The following CDK11A variants were observed in gnomAD, a reference collection of about 807,000 sequenced individuals.
CDK11A encodes cyclin-dependent kinase 11A.
CDK11A carries 55 observed loss-of-function variants against 83.6 expected under a neutral mutation model. The observed-to-expected ratio is 0.66, with a 90% CI of 0.53 to 0.82. The LOEUF is 0.82. CDK11A is among the 40% of genes least tolerant of loss of function. CDK11A has a pLI of 0.00. For synonymous variants in CDK11A, 247 were observed against 302.7 expected (o/e 0.82, Z 1.91); for missense variants, 564 against 810.1 (o/e 0.70, Z 3.69).
rs1644121073 is a variant in CDK11A at position 1,702,384 on chromosome 1, T to C, written c.*523A>G. 1.4e-5 allele frequency among the ~76,000 whole-genome samples: 1 copy of C among 70,078 alleles called. No homozygotes were observed. Among genetic ancestry groups the C allele is most frequent in the East Asian group, 3.4e-4 (1 of 2,928 alleles). The allele number at this position is 70,078 out of a possible 152,430, so 46.0% of individuals were successfully genotyped here. On this transcript the variant is annotated 3_prime_UTR_variant, in exon 20 of 20. Coordinates refer to ENST00000404249, the MANE Select transcript of CDK11A (RefSeq NM_024011.4). The stretch of plus-strand genomic sequence containing the variant: ...CACTCAAAGGACGACACGGGGAGCT[T>C]TCCTCGAAGAATATTTTAATACATT...
intron 3 of CDK11A, 36 bp downstream of exon 3, chr1:1,721,560 T>C (rs767669345): frequency 6.3e-7 from 1 of 1,593,772 alleles, no homozygotes; most frequent in Non-Finnish European, 8.6e-7. Context: ...CAGGGCTGTG[T>C]ACAGTTGGGT....
Position 1,719,450 on chromosome 1 carries a change from T to C in CDK11A, c.233A>G (p.Glu78Gly). 2 of 1,500,534 alleles carry C rather than the reference T, an allele frequency of 1.3e-6. No homozygotes were observed. The highest frequency in any genetic ancestry group is 1.8e-6 in the Non-Finnish European group (2 of 1,127,232). 93.0% of individuals were successfully genotyped at this position (1,500,534 alleles called of 1,614,324 possible). The change falls in exon 4 of 20, where the codon GAA becomes GGA. Residue 78 changes from glutamate to glycine, a missense_variant. Glu to Gly is a moderately conservative substitution (Grantham distance 98). This residue lies in a region of CDK11A where 151 missense variants were observed against 147.4 expected (regional missense o/e 1.02). Transcript: ENST00000404249. Reference sequence around the variant, plus strand: ...TTTGATGGCCAAAGAATCATCTTCTTCTCCTCTGAAATAAAACACAACAGC... The same window carrying C: ...TTTGATGGCCAAAGAATCATCTTCTCCTCCTCTGAAATAAAACACAACAGC... ...RREDSMEDRG[E>G]EDDSLAIKPP...
chr1:1,703,138 C>A lies in CDK11A; in HGVS notation c.2192G>T (p.Arg731Leu). Residue 731 changes from arginine (R) to leucine (L), a missense_variant, in exon 19 of 20, where the codon CGT (arginine) becomes CTT (leucine). By Grantham distance (102) the Arg-to-Leu change is moderately radical. Around this residue, in one of 5 missense-constraint regions of CDK11A, gnomAD observed 361 missense variants for 402.7 expected, o/e 0.90. Transcript: ENST00000404249. ...PTWPAKSEQQ[R>L]VKRGTSPRPP... The stretch of plus-strand genomic sequence containing the variant: ...CCTCGGGCTGGTGCCCCGCTTCACA[C>A]GCTGCTGCTCGCTCTTGGCGGGCCA... 1 of 406,494 alleles carries A rather than the reference C, an allele frequency of 2.5e-6. No homozygotes were observed. The highest frequency in any genetic ancestry group is 4.1e-6 in the Non-Finnish European group (1 of 241,996). The allele number at this position is 406,494 out of a possible 1,614,324, so 25.2% of individuals were successfully genotyped here. A position where few individuals can be genotyped will look rare whatever the true frequency, so the allele number is the denominator to read the frequency against.
intron 4 of CDK11A, among the ~76,000 whole-genome samples, chr1:1,718,068 GGTCT>G (rs1402701849): frequency 7.3e-6 from 1 of 136,470 alleles, no homozygotes; most frequent in African/African-American, 2.8e-5. Context: ...CCTTCTGAAT[GGTCT>G]GTGACACACG....
In CDK11A at chr1:1,704,533, C is replaced by T. The variant is rs1446807465; in HGVS notation, c.1564+17G>A. 5 of 1,602,970 alleles carry T rather than the reference C, an allele frequency of 3.1e-6. No individual in the cohort carries two copies. Among genetic ancestry groups the T allele is most frequent in the Non-Finnish European group, 4.3e-6 (5 of 1,174,018 alleles). ...CCCCCACTTGTACGCAGACAGGACCCCGGGGCGCGGCTGTACCTGGCAGGA... is the reference window on the plus strand; with the variant it reads ...CCCCCACTTGTACGCAGACAGGACCTCGGGGCGCGGCTGTACCTGGCAGGA... On this transcript the variant is annotated intron_variant, in intron 14 of 19. Coordinates refer to ENST00000404249, the MANE Select transcript of CDK11A (RefSeq NM_024011.4).
At chr1:1,704,473 G>A (rs764249577) in intron 14 of CDK11A, 77 bp downstream of exon 14, 47 of 1,552,034 alleles carry the variant, frequency 3.0e-5, no homozygotes, top group Non-Finnish European at 4.0e-5. Flanking sequence ...GGCCCTCCCT[G>A]CAGCACTGTC....
At chr1:1,704,790 T>C in intron 13 of CDK11A, 114 bp downstream of exon 13, 1 of 1,596,248 alleles carries the variant, frequency 6.3e-7, no homozygotes, top group East Asian at 2.2e-5. Flanking sequence ...GTGTGGTCTG[T>C]GAAGGGCTCC....
chr1:1,716,450 C>G lies in CDK11A; in HGVS notation c.384G>C (p.Glu128Asp), dbSNP rs752188532. Residue 128 changes from glutamate (E) to aspartate (D), a missense_variant, in exon 5 of 20, where the codon GAG (glutamate) becomes GAC (aspartate). By Grantham distance (45) the Glu-to-Asp change is conservative. Coordinates refer to ENST00000404249, the MANE Select transcript of CDK11A (RefSeq NM_024011.4). ...CTCGATGTCGTTTCCGACGTTCGTGCTCTCTTTCTTTCACTCTAGCATGCT... is the reference window on the plus strand; with the variant it reads ...CTCGATGTCGTTTCCGACGTTCGTGGTCTCTTTCTTTCACTCTAGCATGCT... Reference protein sequence around the residue: ...GGKHARVKEREHERRKRHREE... With the variant: ...GGKHARVKERDHERRKRHREE... The G allele has an allele frequency of 4.4e-6, 7 of 1,608,596 alleles. No homozygotes were observed. Among genetic ancestry groups the G allele is most frequent in the Non-Finnish European group, 6.0e-6 (7 of 1,176,306 alleles).
chr1:1,704,153 C>G lies in CDK11A; in HGVS notation c.1687-7G>C, dbSNP rs769955894. 7 of 1,606,668 alleles carry G rather than the reference C, an allele frequency of 4.4e-6. 1 individual carries two copies. The highest frequency in any genetic ancestry group is 1.9e-4 in the Middle Eastern group (1 of 5,368). On this transcript the variant is annotated splice_polypyrimidine_tract_variant and splice_region_variant and intron_variant, in intron 15 of 19. Coordinates refer to ENST00000404249, the MANE Select transcript of CDK11A (RefSeq NM_024011.4). ...CCAGCCCAAAATCACCCACCTGCAA[C>G]GACAGATGGGCGGCTGTGGGTGGGC...
intron 4 of CDK11A, among the ~76,000 whole-genome samples, chr1:1,717,532 C>T (rs1644712508): frequency 6.6e-6 from 1 of 151,330 alleles, no homozygotes; most frequent in South Asian, 2.1e-4. Context: ...TGCTCCCAAA[C>T]AATATAATGG....
At chr1:1,714,705 G>T (rs1452073036) in intron 5 of CDK11A, among the ~76,000 whole-genome samples, 1 of 133,738 alleles carries the variant, frequency 7.5e-6, no homozygotes, top group East Asian at 2.2e-4. Flanking sequence ...GCACAGTAAG[G>T]CTTCCTTGGC....
At chr1:1,720,319 G>A (rs1368399047) in intron 3 of CDK11A, among the ~76,000 whole-genome samples, 4 of 148,242 alleles carry the variant, frequency 2.7e-5, no homozygotes, top group African/African-American at 7.5e-5. Context: ...GGGTGGTCTC[G>A]ATCTCCTGAC....
chr1:1,706,313 G>A (rs1467611875), intron 11 of CDK11A, among the ~76,000 whole-genome samples: 1 of 151,092 alleles, frequency 6.6e-6, no homozygotes, highest in East Asian at 1.9e-4. Flanking sequence ...CCTCTGATCC[G>A]CCCACCGCCT....
Position 1,720,133 on chromosome 1 carries a change from GC to G in CDK11A, c.228-679del, listed in dbSNP as rs910884975. On this transcript the variant is annotated intron_variant, in intron 3 of 19. Coordinates refer to ENST00000404249, the MANE Select transcript of CDK11A (RefSeq NM_024011.4). The stretch of plus-strand genomic sequence containing the variant: ...TTTGAGATTGGAGTCTTGCTCTGTC[GC>G]CCAGGCTGGAGGGCAGTGGCGAGAC... 1.2e-4 allele frequency among the ~76,000 whole-genome samples: 18 copies of G among 149,322 alleles called. 2 individuals are homozygous for G. The highest frequency in any genetic ancestry group is 4.2e-4 in the African/African-American group (17 of 40,570).
chr1:1,707,389 G>T lies in CDK11A; in HGVS notation c.1245+20C>A, dbSNP rs747727302. On this transcript the variant is annotated intron_variant, in intron 11 of 19. Transcript: ENST00000404249. ...GACTGCCAATGCGGACAGCGGCCCG[G>T]GGCGAGGGGAGGGCCTGACCTGCAG... 2.5e-6 allele frequency: 4 copies of T among 1,604,898 alleles called. No individual in the cohort carries two copies. Among genetic ancestry groups the T allele is most frequent in the Middle Eastern group, 1.7e-4 (1 of 5,824 alleles).
intron 5 of CDK11A, among the ~76,000 whole-genome samples, chr1:1,715,135 T>A (rs760925): frequency 1.0e-5 from 1 of 99,278 alleles, no homozygotes. Context: ...TTACTGCTTT[T>A]ACCCACAGCT....
chr1:1,703,492 A>AG lies in CDK11A; in HGVS notation c.2043dup (p.Phe682LeufsTer19). 1 of 1,531,174 alleles carries AG rather than the reference A, an allele frequency of 6.5e-7. No individual in the cohort carries two copies. The highest frequency in any genetic ancestry group is 1.2e-5 in the South Asian group (1 of 83,008). The allele number at this position is 1,531,174 out of a possible 1,614,324, so 94.8% of individuals were successfully genotyped here. On this transcript the variant is annotated frameshift_variant, in exon 18 of 20. Coordinates refer to ENST00000404249, the MANE Select transcript of CDK11A (RefSeq NM_024011.4). LOFTEE classifies it high-confidence loss of function. ...TGGGCTCACTTGTTCATGAGGTCGA[A>AG]GCCCTGGTCTGAGAGCAGAGCCCCG...
chr1:1,716,416 C>A lies in CDK11A; in HGVS notation c.418G>T (p.Asp140Tyr). ...ERRKRHREEQDKARREWERQK... is the reference protein window; with the variant it reads ...ERRKRHREEQYKARREWERQK... ...CTTTCCCATTCCCGGCGAGCTTTAT[C>A]CTGTTCTTCTCGATGTCGTTTCCGA... The change falls in exon 5 of 20, where the codon GAT (aspartate) becomes TAT (tyrosine). Residue 140 changes from aspartate (D) to tyrosine (Y), a missense_variant. Asp to Tyr is a radical substitution (Grantham distance 160). Transcript: ENST00000404249. 1 of 1,608,728 alleles carries A rather than the reference C, an allele frequency of 6.2e-7. No individual in the cohort carries two copies. Among genetic ancestry groups the A allele is most frequent in the Non-Finnish European group, 8.5e-7 (1 of 1,176,256 alleles).
intron 11 of CDK11A, among the ~76,000 whole-genome samples, chr1:1,706,230 G>A (rs1268118741): frequency 2.0e-5 from 3 of 150,036 alleles, no homozygotes; most frequent in African/African-American, 7.4e-5. Flanking sequence ...GCACCACCAC[G>A]CCAGGCTAAT....
Sources: allele counts gnomAD v4.1 joint callset (sites outside exome capture counted in the v4.1 genomes callset), GRCh38; gene constraint gnomAD v4.1.1; regional missense constraint gnomAD v4.1.1; transcripts MANE v1.5; gene names NCBI Gene and HGNC (gene_info 2026-07-23, HGNC 2026-07-21).